SEZ6L2: variants seen among roughly 807,000 people sequenced by gnomAD.
SEZ6L2 encodes seizure related 6 homolog like 2.
Under a neutral mutation model 97.0 loss-of-function variants are expected in SEZ6L2, and 44 were observed. The ratio of observed to expected loss-of-function variants is 0.45; its 90% CI spans 0.36 to 0.58. The LOEUF is 0.58. SEZ6L2 is among the 20% of genes least tolerant of loss of function. The pLI, the probability that SEZ6L2 is intolerant of heterozygous loss-of-function variation, is 0.00. For synonymous variants in SEZ6L2, 543 were observed against 546.1 expected (o/e 0.99, Z 0.08); for missense variants, 1,086 against 1,233.3 (o/e 0.88, Z 1.79).
In SEZ6L2 at chr16:29,887,823, G is replaced by A. The variant is rs1011753181; in HGVS notation, c.1040-6C>T. 2 of 1,613,520 alleles carry A rather than the reference G, an allele frequency of 1.2e-6. No individual in the cohort carries two copies. The highest frequency in any genetic ancestry group is 1.7e-6 in the Non-Finnish European group (2 of 1,179,888). On this transcript the variant is annotated splice_polypyrimidine_tract_variant and splice_region_variant and intron_variant, in intron 6 of 17. Transcript: ENST00000617533. ...GATGGTGCCACCACAGGATGCTGTG[G>A]GCAGAGGAGGGGTACGTTAAGGCCA...
intron 14 of SEZ6L2, among the ~76,000 whole-genome samples, chr16:29,872,959 C>A (rs895794885): frequency 3.9e-5 from 6 of 152,212 alleles, no homozygotes; most frequent in African/African-American, 1.4e-4. Context: ...GGTTCCTGGA[C>A]AGTCTGAGCC....
At chr16:29,877,211 C>T in intron 11 of SEZ6L2, 60 bp downstream of exon 11, 4 of 1,468,238 alleles carry the variant, frequency 2.7e-6, no homozygotes, top group Non-Finnish European at 3.6e-6. Context: ...CGACCGGCCA[C>T]CTCCCGGGAT....
chr16:29,875,992 GC>G (rs912519289), intron 12 of SEZ6L2, among the ~76,000 whole-genome samples: 60 of 151,854 alleles, frequency 4.0e-4, no homozygotes, highest in African/African-American at 1.4e-3. Context: ...TCCTGCCCCA[GC>G]CCTGAGAAAA....
At chr16:29,898,350 G>A (rs1406842561) in intron 1 of SEZ6L2, among the ~76,000 whole-genome samples, 1 of 152,022 alleles carries the variant, frequency 6.6e-6, no homozygotes, top group South Asian at 2.1e-4. Flanking sequence ...GGATCTGGCC[G>A]CACCTCCCAG....
In SEZ6L2 at chr16:29,871,728, C is replaced by T. The variant is rs1205112638; in HGVS notation, c.2743G>A (p.Asp915Asn). The change falls in exon 18 of 18, where the codon GAT (aspartate) becomes AAT (asparagine). Residue 915 changes from aspartate (D) to asparagine (N), a missense_variant and splice_region_variant. By Grantham distance (23) the Asp-to-Asn change is conservative (BLOSUM62 1). Transcript: ENST00000617533. ...DFSNPLYEAG[D>N]TREYEVSI ...ATGGAAACTTCATACTCCCGCGTAT[C>T]CTGAAGACAGAGAGATCAGGTCAGT... 4 of 1,608,126 alleles carry T rather than the reference C, an allele frequency of 2.5e-6. No homozygotes were observed. In the African/African-American group the frequency reaches 5.4e-5, roughly 22 times the overall value.
intron 10 of SEZ6L2, among the ~76,000 whole-genome samples, chr16:29,877,728 C>T (rs894990701): frequency 2.6e-5 from 4 of 152,330 alleles, no homozygotes; most frequent in African/African-American, 9.6e-5. Flanking sequence ...TAACTCCGCC[C>T]ACTGTCCACT....
chr16:29,894,481 A>T (rs985270201), intron 5 of SEZ6L2, among the ~76,000 whole-genome samples: 21 of 137,384 alleles, frequency 1.5e-4, no homozygotes, highest in African/African-American at 5.9e-4. Context: ...CTTAGTCATC[A>T]TCTCCTCCAA....
chr16:29,877,422 G>A lies in SEZ6L2; in HGVS notation c.1758C>T (p.Asp586=), dbSNP rs893483588. ...EGDMLTLFDG[D]GPSARVLAQL... is the part of the protein sequence containing the mutation. ...GGGCCAAGACTCGGGCGCTGGGACCGTCCCCGTCGAACAGCGTCAGCATGT... is the reference window on the plus strand; with the variant it reads ...GGGCCAAGACTCGGGCGCTGGGACCATCCCCGTCGAACAGCGTCAGCATGT... Residue 586 remains aspartate (D), a synonymous_variant, in exon 11 of 18, where the codon GAC becomes GAT. Coordinates refer to ENST00000617533, the MANE Select transcript of SEZ6L2 (RefSeq NM_001243332.2). 1 of 1,610,266 alleles carries A rather than the reference G, an allele frequency of 6.2e-7. No homozygotes were observed. Among genetic ancestry groups the A allele is most frequent in the Non-Finnish European group, 8.5e-7 (1 of 1,178,376 alleles).
chr16:29,895,243 C>T lies in SEZ6L2; in HGVS notation c.853+16G>A. The T allele has an allele frequency of 6.2e-7, 1 of 1,611,022 alleles. No individual in the cohort carries two copies. Among genetic ancestry groups the T allele is most frequent in the East Asian group, 2.2e-5 (1 of 44,840 alleles). On this transcript the variant is annotated intron_variant, in intron 5 of 17. Coordinates refer to ENST00000617533, the MANE Select transcript of SEZ6L2 (RefSeq NM_001243332.2). ...TATGGCCCCTGCCCTTCCAGCAGCA[C>T]CCTCAAACTCCTCACCCTGATAGTG...
At chr16:29,885,042 C>T (rs2068105733) in intron 8 of SEZ6L2, among the ~76,000 whole-genome samples, 1 of 151,050 alleles carries the variant, frequency 6.6e-6, no homozygotes, top group Non-Finnish European at 1.5e-5. Context: ...CCCGTCTCTA[C>T]TAAAAATACA....
chr16:29,896,923 G>A lies in SEZ6L2; in HGVS notation c.410C>T (p.Pro137Leu). The change falls in exon 3 of 18, where the codon CCT (proline) becomes CTT (leucine). Residue 137 changes from proline to leucine, a missense_variant. Physicochemically the swap from Pro to Leu is moderately conservative, Grantham distance 98 (BLOSUM62 -3). This residue lies in a region of SEZ6L2 where 776 missense variants were observed against 794.7 expected (regional missense o/e 0.98). Transcript: ENST00000617533. ...PGTTAPPPPSPASPGPPLGPE... is the reference protein window; with the variant it reads ...PGTTAPPPPSLASPGPPLGPE... ...CCCAAGGGGAGGCCCTGGGGAGGCA[G>A]GGCTGGGTGGGGGTGGGGCTGTGGT... The A allele has an allele frequency of 6.2e-7, 1 of 1,612,578 alleles. No homozygotes were observed. The highest frequency in any genetic ancestry group is 8.5e-7 in the Non-Finnish European group (1 of 1,179,486).
chr16:29,898,028 C>CG, intron 1 of SEZ6L2, 44 bp from the exon 2 acceptor site: 1 of 1,608,162 alleles, frequency 6.2e-7, no homozygotes, highest in South Asian at 1.1e-5. Context: ...CCCCACACCC[C>CG]TTCCTTCTCC....
intron 9 of SEZ6L2, among the ~76,000 whole-genome samples, chr16:29,879,303 G>A (rs538275593): frequency 3.3e-5 from 5 of 151,496 alleles, no homozygotes; most frequent in African/African-American, 7.3e-5. Flanking sequence ...TCGGCTCACC[G>A]CAACCTCCGC....
chr16:29,890,916 T>C (rs1171389806), intron 5 of SEZ6L2, among the ~76,000 whole-genome samples: 1 of 151,056 alleles, frequency 6.6e-6, no homozygotes, highest in Non-Finnish European at 1.5e-5. Context: ...TCCTGGCTAA[T>C]TTTGGTATTT....
At chr16:29,894,113 C>T (rs1352222794) in intron 5 of SEZ6L2, among the ~76,000 whole-genome samples, 1 of 152,188 alleles carries the variant, frequency 6.6e-6, no homozygotes, top group African/African-American at 2.4e-5. Flanking sequence ...TCAGGTGATC[C>T]ACCAGCCTTG....
intron 10 of SEZ6L2, 122 bp from the exon 11 acceptor site, chr16:29,877,589 T>C: frequency 1.1e-6 from 1 of 924,174 alleles, no homozygotes; most frequent in Non-Finnish European, 1.6e-6. Flanking sequence ...GCCCATATTC[T>C]CCTATCCCAG....
Position 29,895,789 on chromosome 16 carries a change from G to A in SEZ6L2, c.583C>T (p.Arg195Cys), listed in dbSNP as rs369423011. 67 of 1,614,106 alleles carry A rather than the reference G, an allele frequency of 4.2e-5. No homozygotes were observed. In the East Asian group the frequency reaches 7.1e-4, roughly 17 times the overall value. ...GTGCAGTCCAGGAGCCCCAGGGTGC[G>A]GCTGACGGGGCTCCCCAGATCTGGA... ...ESPDLGSPVS[R>C]TLGLLDCTYS... The change falls in exon 4 of 18, where the codon CGC becomes TGC. Residue 195 changes from arginine to cysteine, a missense_variant. Physicochemically the swap from Arg to Cys is radical, Grantham distance 180. Coordinates refer to ENST00000617533, the MANE Select transcript of SEZ6L2 (RefSeq NM_001243332.2).
At chr16:29,883,302 T>G (rs1376453556) in intron 8 of SEZ6L2, among the ~76,000 whole-genome samples, 1 of 151,958 alleles carries the variant, frequency 6.6e-6, no homozygotes, top group African/African-American at 2.4e-5. Flanking sequence ...CTCTTTCCTT[T>G]TCTTTTCTTT....
intron 11 of SEZ6L2, 118 bp from the exon 12 acceptor site, chr16:29,877,068 G>A: frequency 1.7e-6 from 2 of 1,172,562 alleles, no homozygotes; most frequent in South Asian, 1.6e-5. Flanking sequence ...CTCTCTTAGA[G>A]ACAGGGTTTC....
Sources: allele counts gnomAD v4.1 joint callset (sites outside exome capture counted in the v4.1 genomes callset), GRCh38; gene constraint gnomAD v4.1.1; regional missense constraint gnomAD v4.1.1; transcripts MANE v1.5; gene names NCBI Gene and HGNC (gene_info 2026-07-23, HGNC 2026-07-21).